The following FHOD3 variants were observed in gnomAD, a reference collection of about 807,000 sequenced individuals.
FHOD3 encodes formin homology 2 domain containing 3.
In FHOD3, 90 loss-of-function variants were observed where a neutral mutation model predicts 173.0. The observed-to-expected ratio is 0.52, with a 90% CI of 0.44 to 0.62. The LOEUF (loss-of-function observed/expected upper bound fraction) is 0.62. FHOD3 is among the 20% of genes least tolerant of loss of function. The probability of loss-of-function intolerance (pLI) is 0.00; values close to 1 mark genes in which losing one functional copy is unlikely to be tolerated. For synonymous variants in FHOD3, 828 were observed against 823.0 expected (o/e 1.01, Z -0.10); for missense variants, 1,945 against 2,034.7 (o/e 0.96, Z 0.85).
chr18:36,526,354 A>G (rs1288293096), intron 5 of FHOD3, among the ~76,000 whole-genome samples: 1 of 152,140 alleles, frequency 6.6e-6, no homozygotes, highest in East Asian at 1.9e-4. Flanking sequence ...AAGTAGTTCA[A>G]TCCTGTATCA....
chr18:36,635,788 G>C (rs1212868533), intron 10 of FHOD3, among the ~76,000 whole-genome samples: 1 of 152,206 alleles, frequency 6.6e-6, no homozygotes, highest in Non-Finnish European at 1.5e-5. Context: ...CTAGTTTAGA[G>C]GCCCTAACCC....
intron 19 of FHOD3, among the ~76,000 whole-genome samples, chr18:36,729,377 G>A (rs1379266968): frequency 6.6e-6 from 1 of 152,186 alleles, no homozygotes; most frequent in Non-Finnish European, 1.5e-5. Context: ...AAAGCTGGGG[G>A]CCTTGTGGTC....
intron 17 of FHOD3, among the ~76,000 whole-genome samples, chr18:36,700,046 T>C (rs2149564795): frequency 6.6e-6 from 1 of 152,334 alleles, no homozygotes; most frequent in East Asian, 1.9e-4. Context: ...TAGTCTTTTC[T>C]CATTGTTTGG....
chr18:36,637,128 G>A (rs761809830), intron 10 of FHOD3, among the ~76,000 whole-genome samples: 27 of 152,260 alleles, frequency 1.8e-4, no homozygotes, highest in Middle Eastern at 3.4e-3. Flanking sequence ...CCAATACTAG[G>A]TGTGTTATTT....
At chr18:36,763,292 G>A (rs989032624) in intron 27 of FHOD3, among the ~76,000 whole-genome samples, 4 of 135,654 alleles carry the variant, frequency 2.9e-5, no homozygotes, top group South Asian at 2.3e-4. Flanking sequence ...TACAATATGC[G>A]TATTATACAC....
chr18:36,482,858 C>CAGAGAGAGAGAGAGAG (rs138052316), intron 3 of FHOD3, among the ~76,000 whole-genome samples: 2 of 130,374 alleles, frequency 1.5e-5, no homozygotes, highest in African/African-American at 6.2e-5. Context: ...CACACACACA[C>CAGAGAGAGAGAGAGAG]AGAGAGAGAG....
intron 1 of FHOD3, among the ~76,000 whole-genome samples, chr18:36,304,566 TC>T (rs1450981575): frequency 1.3e-5 from 2 of 152,210 alleles, no homozygotes; most frequent in Non-Finnish European, 2.9e-5. Context: ...ATTTTTTTTT[TC>T]ATACCTCCAA....
Position 36,754,976 on chromosome 18 carries a change from T to TTTA in FHOD3, c.4233-104_4233-102dup, listed in dbSNP as rs142900451. On this transcript the variant is annotated intron_variant, in intron 24 of 28. Coordinates refer to ENST00000590592, the MANE Select transcript of FHOD3 (RefSeq NM_001281740.3). ...ACTGAGAGTGTGGCTTGTTGGTTTC[T>TTTA]TTATTATTATTATTATTATTATTAT... The TTTA allele has an allele frequency of 0.32, 53,271 of 167,830 alleles. 8,689 individuals carry two copies. Among genetic ancestry groups the TTTA allele is most frequent in the East Asian group, 0.47 (2,751 of 5,812 alleles). 10.4% of individuals were successfully genotyped at this position (167,830 alleles called of 1,614,324 possible).
intron 3 of FHOD3, among the ~76,000 whole-genome samples, chr18:36,494,111 T>C (rs58234590): frequency 0.099 from 15,137 of 152,170 alleles, 874 homozygotes; most frequent in East Asian, 0.25. Flanking sequence ...TTCTAATTAA[T>C]GTTCTGGTCT....
chr18:36,729,936 A>G (rs2041268652), intron 19 of FHOD3, among the ~76,000 whole-genome samples: 2 of 152,226 alleles, frequency 1.3e-5, no homozygotes, highest in Admixed American at 6.5e-5. Flanking sequence ...TGAGAATGCC[A>G]GGACACTTCT....
At chr18:36,742,935 A>G in intron 22 of FHOD3, 79 bp downstream of exon 22, 1 of 1,531,832 alleles carries the variant, frequency 6.5e-7, no homozygotes, top group African/African-American at 1.4e-5. Context: ...TGAAGGTTGT[A>G]CCTCAGGTTC....
At chr18:36,683,782 G>A (rs944229312) in intron 15 of FHOD3, among the ~76,000 whole-genome samples, 1 of 152,218 alleles carries the variant, frequency 6.6e-6, no homozygotes, top group East Asian at 1.9e-4. Context: ...TGTCCAGGCA[G>A]TTGCCTGAAA....
intron 18 of FHOD3, among the ~76,000 whole-genome samples, chr18:36,713,608 A>G (rs1362002159): frequency 6.6e-6 from 1 of 152,252 alleles, no homozygotes; most frequent in African/African-American, 2.4e-5. Flanking sequence ...TAGGGAAATT[A>G]TAGTTTACAA....
intron 15 of FHOD3, among the ~76,000 whole-genome samples, chr18:36,684,688 G>A (rs373541785): frequency 7.0e-4 from 106 of 152,208 alleles, no homozygotes; most frequent in African/African-American, 2.3e-3. Context: ...AACAAAAATT[G>A]AAAGAAAAAT....
intron 20 of FHOD3, among the ~76,000 whole-genome samples, chr18:36,732,041 T>G (rs772570955): frequency 6.6e-6 from 1 of 152,190 alleles, no homozygotes; most frequent in Non-Finnish European, 1.5e-5. Context: ...GGTATCCTTA[T>G]AAGAAGAGGG....
At chr18:36,708,920 A>G (rs1218754197) in intron 17 of FHOD3, among the ~76,000 whole-genome samples, 175 bp from the exon 18 acceptor site, 3 of 152,132 alleles carry the variant, frequency 2.0e-5, no homozygotes, top group Admixed American at 6.5e-5. Context: ...CATCTGCACA[A>G]TCCCTTCACA....
At chr18:36,391,041 G>A (rs1211452297) in intron 3 of FHOD3, among the ~76,000 whole-genome samples, 2 of 152,232 alleles carry the variant, frequency 1.3e-5, no homozygotes, top group Middle Eastern at 3.2e-3. Context: ...AATTAGGATT[G>A]AAGGGGCAGA....
Position 36,730,832 on chromosome 18 carries a change from T to G in FHOD3, c.3576+28T>G, listed in dbSNP as rs201457687. ...GAGGGAAGCTCTATTAAGCATTATT[T>G]GTATTTTATCTTATACTGCATGTAT... On this transcript the variant is annotated intron_variant, in intron 20 of 28. Transcript: ENST00000590592. 229 of 1,608,904 alleles carry G rather than the reference T, an allele frequency of 1.4e-4. No individual in the cohort carries two copies. The African/African-American group carries it at 2.9e-3, about 20-fold the overall frequency.
chr18:36,527,475 T>G (rs1303295286), intron 5 of FHOD3, among the ~76,000 whole-genome samples: 2 of 152,222 alleles, frequency 1.3e-5, no homozygotes, highest in African/African-American at 4.8e-5. Flanking sequence ...CTTCACTTTT[T>G]GTCTTTGCGG....
Sources: gnomAD v4.1 joint callset for allele counts (sites outside exome capture counted in the v4.1 genomes callset) on GRCh38, gnomAD v4.1.1 for gene constraint, MANE v1.5 for transcripts, NCBI Gene and HGNC (gene_info 2026-07-23, HGNC 2026-07-21) for gene names.